The following MKX variants were observed in gnomAD, a reference collection of about 807,000 sequenced individuals.
The protein encoded by MKX is mohawk homeobox.
MKX carries 13 observed loss-of-function variants against 36.0 expected under a neutral mutation model. The ratio of observed to expected loss-of-function variants is 0.36; its 90% CI spans 0.24 to 0.57. The LOEUF (loss-of-function observed/expected upper bound fraction) is 0.57. Among genes scored for constraint, MKX ranks in the 20% least tolerant of loss-of-function variants. The pLI is 0.79. For missense variants in MKX, 458 were observed against 456.4 expected (o/e 1.00, Z -0.03); for synonymous variants, 176 against 178.3 (o/e 0.99, Z 0.10).
intron 5 of MKX, among the ~76,000 whole-genome samples, chr10:27,683,724 G>C (rs1836295105): frequency 6.6e-6 from 1 of 152,226 alleles, no homozygotes; most frequent in Non-Finnish European, 1.5e-5. Flanking sequence ...AGCCTCTGGG[G>C]ATACCAGATC....
intron 5 of MKX, among the ~76,000 whole-genome samples, chr10:27,695,268 G>A (rs571438570): frequency 2.6e-5 from 4 of 152,106 alleles, no homozygotes; most frequent in African/African-American, 9.6e-5. Flanking sequence ...AAGGAGAAAC[G>A]CTCCTTCCCA....
chr10:27,707,510 G>A (rs1836778134), intron 5 of MKX, among the ~76,000 whole-genome samples: 2 of 152,130 alleles, frequency 1.3e-5, no homozygotes, highest in Non-Finnish European at 2.9e-5. Flanking sequence ...AATGCCCAAG[G>A]TCGTGGTCCT....
chr10:27,743,486 G>C lies in MKX; in HGVS notation c.-71C>G. On this transcript the variant is annotated 5_prime_UTR_variant, in exon 2 of 7. Transcript: ENST00000419761. Reference sequence around the variant, plus strand: ...GCTGGGCCGCCGGGAGCTCCGCAGCGGGGCTCGGCTTCTAGGAGAGGAAGG... The same window carrying C: ...GCTGGGCCGCCGGGAGCTCCGCAGCCGGGCTCGGCTTCTAGGAGAGGAAGG... The C allele has an allele frequency of 7.0e-7, 1 of 1,424,924 alleles. No individual in the cohort carries two copies. The highest frequency in any genetic ancestry group is 9.3e-7 in the Non-Finnish European group (1 of 1,080,866). 88.3% of individuals were successfully genotyped at this position (1,424,924 alleles called of 1,614,324 possible). A position where few individuals can be genotyped will look rare whatever the true frequency, so the allele number is the denominator to read the frequency against.
chr10:27,700,784 T>C (rs1416978839), intron 5 of MKX, among the ~76,000 whole-genome samples: 1 of 152,206 alleles, frequency 6.6e-6, no homozygotes, highest in African/African-American at 2.4e-5. Flanking sequence ...TTGTGTCCTC[T>C]GAAGTTTACT....
At chr10:27,725,870 C>T in intron 5 of MKX, among the ~76,000 whole-genome samples, 1 of 152,064 alleles carries the variant, frequency 6.6e-6, no homozygotes, top group East Asian at 1.9e-4. Context: ...ATGGGAGTTA[C>T]GTGCTTATAT....
intron 5 of MKX, among the ~76,000 whole-genome samples, chr10:27,693,230 T>C (rs1056060200): frequency 6.6e-6 from 1 of 152,154 alleles, no homozygotes; most frequent in Non-Finnish European, 1.5e-5. Flanking sequence ...CCCCAGAGCC[T>C]GTGGGGTCAT....
intron 5 of MKX, among the ~76,000 whole-genome samples, chr10:27,707,059 T>C (rs1472042287): frequency 6.6e-6 from 1 of 151,650 alleles, no homozygotes; most frequent in Admixed American, 6.6e-5. Flanking sequence ...TGTTAACAGA[T>C]TGATGAACTG....
At chr10:27,686,231 C>T (rs2637280) in intron 5 of MKX, among the ~76,000 whole-genome samples, 105,484 of 151,822 alleles carry the variant, frequency 0.69, 40,531 homozygotes, top group Non-Finnish European at 0.89. Flanking sequence ...CCCACCCCAT[C>T]TTCATGGATG....
intron 5 of MKX, among the ~76,000 whole-genome samples, chr10:27,691,058 G>A (rs576642265): frequency 6.6e-5 from 10 of 152,202 alleles, no homozygotes; most frequent in African/African-American, 1.2e-4. Context: ...TACATTTCCC[G>A]AGGCCTCCCC....
Position 27,741,387 on chromosome 10 carries a change from C to T in MKX, c.306G>A (p.Glu102=), listed in dbSNP as rs1834891394. 23 of 1,613,574 alleles carry T rather than the reference C, an allele frequency of 1.4e-5. No individual in the cohort carries two copies. Among genetic ancestry groups the T allele is most frequent in the Non-Finnish European group, 1.8e-5 (21 of 1,179,750 alleles). ...GCGAGCCGAGGGCCAAGAGTATCTT[C>T]TCGGTCTTGGTGGGGTACGGGTTGT... ...HRDNPYPTKT[E]KILLALGSQM... The change falls in exon 3 of 7, where the codon GAG becomes GAA. Residue 102 remains glutamate, a synonymous_variant. Coordinates refer to ENST00000419761, the MANE Select transcript of MKX (RefSeq NM_173576.3). The surrounding 1 kb of genome is among the most constrained non-coding windows in gnomAD (Gnocchi z 5.1).
At chr10:27,720,271 C>T (rs939397285) in intron 5 of MKX, among the ~76,000 whole-genome samples, 4 of 150,308 alleles carry the variant, frequency 2.7e-5, no homozygotes, top group African/African-American at 9.8e-5. Context: ...CCAGCTCATT[C>T]AATAAGCCTA....
At chr10:27,690,318 C>T (rs2815563) in intron 5 of MKX, among the ~76,000 whole-genome samples, 121,894 of 151,858 alleles carry the variant, frequency 0.8, 48,983 homozygotes, top group Admixed American at 0.84. Flanking sequence ...TGCAGTGAGC[C>T]GAGATGGCAC....
Position 27,675,389 on chromosome 10 carries a change from T to A in MKX, c.899A>T (p.Lys300Met). The stretch of plus-strand genomic sequence containing the variant: ...GATCTCCTTCCAATACGTGTCATCC[T>A]TGCTTGGTCCTTTTCTGTTAGCTGC... ...ESAANRKGPSKDDTYWKEINA... is the reference protein window; with the variant it reads ...ESAANRKGPSMDDTYWKEINA... The change falls in exon 7 of 7, where the codon AAG (lysine) becomes ATG (methionine). Residue 300 changes from lysine (K) to methionine (M), a missense_variant. Coordinates refer to ENST00000419761, the MANE Select transcript of MKX (RefSeq NM_173576.3). 6.2e-7 allele frequency: 1 copy of A among 1,614,210 alleles called. No homozygotes were observed.
chr10:27,739,398 T>C (rs1045474443), intron 3 of MKX, among the ~76,000 whole-genome samples: 7 of 152,132 alleles, frequency 4.6e-5, no homozygotes, highest in Non-Finnish European at 8.8e-5. Context: ...ATAAAAATTA[T>C]CTTACCCCAC....
intron 5 of MKX, among the ~76,000 whole-genome samples, chr10:27,692,013 T>C (rs1228704227): frequency 6.6e-6 from 1 of 152,224 alleles, no homozygotes; most frequent in East Asian, 1.9e-4. Flanking sequence ...GCGATGAATA[T>C]ACAAATGCAT....
chr10:27,711,485 C>T (rs7069609), intron 5 of MKX, among the ~76,000 whole-genome samples: 2,416 of 54,772 alleles, frequency 0.044, 42 homozygotes, highest in African/African-American at 0.1. Context: ...CTTTCTTTCT[C>T]TCTCTCTCTC....
chr10:27,703,571 G>A (rs1309370175), intron 5 of MKX, among the ~76,000 whole-genome samples: 2 of 151,934 alleles, frequency 1.3e-5, no homozygotes, highest in South Asian at 2.1e-4. Context: ...AAATATGATT[G>A]TACTGCTAGA....
At chr10:27,719,508 G>A (rs189264945) in intron 5 of MKX, among the ~76,000 whole-genome samples, 15 of 152,228 alleles carry the variant, frequency 9.9e-5, no homozygotes, top group African/African-American at 3.6e-4. Flanking sequence ...TAGGGGACCT[G>A]TCTAAGGGGG....
intron 5 of MKX, among the ~76,000 whole-genome samples, chr10:27,713,090 T>C (rs1836901104): frequency 6.6e-6 from 1 of 152,170 alleles, no homozygotes; most frequent in Non-Finnish European, 1.5e-5. Flanking sequence ...ATTTCACATC[T>C]GAATCCACGC....
Sources: allele counts gnomAD v4.1 joint callset (sites outside exome capture counted in the v4.1 genomes callset), GRCh38; gene constraint gnomAD v4.1.1; non-coding constraint Gnocchi (gnomAD v3.1); transcripts MANE v1.5; gene names NCBI Gene and HGNC (gene_info 2026-07-23, HGNC 2026-07-21).